The following HPCAL1 variants were observed in gnomAD, a reference collection of about 807,000 sequenced individuals.
HPCAL1 encodes the protein hippocalcin like 1.
Under a neutral mutation model 17.1 loss-of-function variants are expected in HPCAL1, and 8 were observed. That is an observed-to-expected ratio of 0.47 (90% CI 0.27 to 0.84). The LOEUF is 0.84. Among genes scored for constraint, HPCAL1 ranks in the 40% least tolerant of loss-of-function variants. The probability of loss-of-function intolerance (pLI) is 0.13; values close to 1 mark genes in which losing one functional copy is unlikely to be tolerated. For missense variants in HPCAL1, 165 were observed against 271.1 expected, an observed-to-expected ratio of 0.61 and a Z score of 2.75; for synonymous variants, 112 against 111.4, an observed-to-expected ratio of 1.01 and a Z score of -0.03.
chr2:10,320,476 C>T (rs13014661), intron 1 of HPCAL1, among the ~76,000 whole-genome samples: 90,642 of 152,090 alleles, frequency 0.6, 27,475 homozygotes, highest in East Asian at 0.8. Context: ...GCCTGCTGTC[C>T]CTTCTGACGT....
At chr2:10,426,610 G>C (rs924120345) in intron 4 of HPCAL1, 114 bp from the exon 5 acceptor site, 3 of 815,556 alleles carry the variant, frequency 3.7e-6, no homozygotes, top group Non-Finnish European at 6.4e-6. Context: ...CTTCAAGAAG[G>C]CTCAGGACTT....
intron 1 of HPCAL1, among the ~76,000 whole-genome samples, chr2:10,386,042 C>T (rs953753558): frequency 6.6e-6 from 1 of 152,204 alleles, no homozygotes; most frequent in Non-Finnish European, 1.5e-5. Flanking sequence ...CACAGCAGGA[C>T]TTGCGTGTGA....
chr2:10,374,965 G>A (rs532410072), intron 1 of HPCAL1, among the ~76,000 whole-genome samples: 11 of 152,184 alleles, frequency 7.2e-5, no homozygotes, highest in Non-Finnish European at 1.3e-4. Flanking sequence ...TTGGGGGGCC[G>A]TGTCATGGAA....
At chr2:10,388,596 C>T (rs543230394) in intron 1 of HPCAL1, among the ~76,000 whole-genome samples, 59 of 152,330 alleles carry the variant, frequency 3.9e-4, no homozygotes, top group Non-Finnish European at 7.9e-4. Flanking sequence ...GGGACTCCTG[C>T]GATTTCTCTC....
intron 1 of HPCAL1, among the ~76,000 whole-genome samples, chr2:10,371,826 C>A (rs950376345): frequency 1.3e-5 from 2 of 152,184 alleles, no homozygotes; most frequent in Admixed American, 6.5e-5. Context: ...TAGGGAGAGG[C>A]ATGTGCCCTT....
At chr2:10,413,655 A>G (rs1670483036) in intron 2 of HPCAL1, among the ~76,000 whole-genome samples, 1 of 152,222 alleles carries the variant, frequency 6.6e-6, no homozygotes, top group Admixed American at 6.5e-5. Flanking sequence ...CGGTGTGCTC[A>G]CTGGGTTTGG....
intron 1 of HPCAL1, among the ~76,000 whole-genome samples, chr2:10,357,706 T>C (rs1666252121): frequency 6.6e-6 from 1 of 152,202 alleles, no homozygotes; most frequent in African/African-American, 2.4e-5. Flanking sequence ...CTCGTTTTGT[T>C]TTCCCCACCT....
At chr2:10,346,256 G>A (rs537678423) in intron 1 of HPCAL1, among the ~76,000 whole-genome samples, 49 of 152,240 alleles carry the variant, frequency 3.2e-4, no homozygotes, top group South Asian at 2.9e-3. Flanking sequence ...TGATGTTGTG[G>A]GGGCCATGGG....
chr2:10,405,759 G>T (rs1352924300), intron 2 of HPCAL1, among the ~76,000 whole-genome samples: 1 of 152,198 alleles, frequency 6.6e-6, no homozygotes, highest in Non-Finnish European at 1.5e-5. Context: ...TCGGGCAGGA[G>T]CAGCGCCCTG....
intron 2 of HPCAL1, among the ~76,000 whole-genome samples, chr2:10,397,194 G>A (rs548428738): frequency 2.8e-4 from 42 of 151,016 alleles, no homozygotes; most frequent in African/African-American, 8.8e-4. Context: ...TGGGTAAATC[G>A]CGTGACCTTC....
intron 2 of HPCAL1, among the ~76,000 whole-genome samples, chr2:10,400,491 C>T (rs939330846): frequency 2.6e-5 from 4 of 152,190 alleles, no homozygotes; most frequent in African/African-American, 9.7e-5. Context: ...TAGTGCTGGC[C>T]AGGCCGTGGA....
intron 1 of HPCAL1, among the ~76,000 whole-genome samples, chr2:10,356,027 G>A (rs925647311): frequency 6.6e-6 from 1 of 152,178 alleles, no homozygotes; most frequent in African/African-American, 2.4e-5. Context: ...GAGCAGGTGG[G>A]ATGGTATTGA....
chr2:10,376,700 G>A (rs527357602), intron 1 of HPCAL1, among the ~76,000 whole-genome samples: 96 of 152,234 alleles, frequency 6.3e-4, no homozygotes, highest in Admixed American at 1.1e-3. Context: ...GCTTCCCAAA[G>A]TGCTGGGATT....
intron 1 of HPCAL1, among the ~76,000 whole-genome samples, chr2:10,316,508 GC>G (rs1269565811): frequency 7.2e-5 from 11 of 152,168 alleles, no homozygotes; most frequent in Non-Finnish European, 1.6e-4. Context: ...CCTTGTGAGG[GC>G]CATGCCTGAC....
chr2:10,419,985 C>G lies in HPCAL1; in HGVS notation c.228C>G (p.Gly76=). 1 of 1,613,996 alleles carries G rather than the reference C, an allele frequency of 6.2e-7. No individual in the cohort carries two copies. The stretch of plus-strand genomic sequence containing the variant: ...TCTTCCGCACCTTCGACACCAACGG[C>G]GACGGCACCATCGACTTCCGGGAGT... ...EHVFRTFDTN[G]DGTIDFREFI... The change falls in exon 3 of 5, where the codon GGC becomes GGG. Residue 76 remains glycine (G), a synonymous_variant. Transcript: ENST00000307845. This position sits in a 1 kb window ranked among gnomAD's most constrained non-coding sequence, Gnocchi z 5.0.
At chr2:10,410,628 T>C (rs1315195181) in intron 2 of HPCAL1, among the ~76,000 whole-genome samples, 8 of 152,018 alleles carry the variant, frequency 5.3e-5, no homozygotes. Context: ...TGCTTGAATA[T>C]GAATCTTTTT....
At chr2:10,426,483 C>T in intron 4 of HPCAL1, 1 of 511,898 alleles carries the variant, frequency 2.0e-6, no homozygotes. Flanking sequence ...CCACGTCCTG[C>T]TGAGCTTGCT....
chr2:10,379,801 C>T (rs1259917606), intron 1 of HPCAL1, among the ~76,000 whole-genome samples: 2 of 152,196 alleles, frequency 1.3e-5, no homozygotes, highest in Middle Eastern at 3.2e-3. Flanking sequence ...AGTATAGAGT[C>T]GTCCATTCAT....
At chr2:10,417,015 T>A (rs1670715544) in intron 2 of HPCAL1, among the ~76,000 whole-genome samples, 1 of 152,120 alleles carries the variant, frequency 6.6e-6, no homozygotes, top group African/African-American at 2.4e-5. Context: ...TGGCTGCATA[T>A]CCAGAGCTGG....
Sources: gnomAD v4.1 joint callset for allele counts (sites outside exome capture counted in the v4.1 genomes callset) on GRCh38, gnomAD v4.1.1 for gene constraint, Gnocchi (gnomAD v3.1) non-coding constraint, MANE v1.5 for transcripts, NCBI Gene and HGNC (gene_info 2026-07-23, HGNC 2026-07-21) for gene names.